The following CDH13 variants were observed in gnomAD, a reference collection of about 807,000 sequenced individuals.
The protein encoded by CDH13 is cadherin 13, also known as cadherin-13.
A neutral mutation model predicts 63.8 loss-of-function variants in CDH13; 24 were observed. The observed-to-expected ratio is 0.38, with a 90% confidence interval of 0.27 to 0.53. The LOEUF (loss-of-function observed/expected upper bound fraction) is 0.53, where lower values mean the gene tolerates loss of function less well. CDH13 is among the 20% of genes least tolerant of loss of function. The pLI, the probability that CDH13 is intolerant of heterozygous loss-of-function variation, is 0.85. For missense variants in CDH13, 1,049 were observed against 903.1 expected (o/e 1.16, Z -2.07); for synonymous variants, 503 against 355.3 (o/e 1.42, Z -4.67).
intron 8 of CDH13, among the ~76,000 whole-genome samples, chr16:83,625,189 CAT>C (rs1491267721): frequency 7.9e-5 from 12 of 151,236 alleles, no homozygotes; most frequent in African/African-American, 2.2e-4. Context: ...TGTGTGTGCT[CAT>C]GTGTGTGTGT....
At chr16:83,737,599 T>C (rs1011692638) in intron 10 of CDH13, among the ~76,000 whole-genome samples, 8 of 152,166 alleles carry the variant, frequency 5.3e-5, no homozygotes, top group Admixed American at 5.2e-4. Context: ...CTGTGGGACA[T>C]AGACCTGGTT....
intron 2 of CDH13, among the ~76,000 whole-genome samples, chr16:82,987,167 C>A (rs113607368): frequency 3.3e-3 from 509 of 152,262 alleles, no homozygotes; most frequent in African/African-American, 0.011. Context: ...TTGCTCCCTC[C>A]TCTGTGGTCT....
rs910800706 is a variant in CDH13 at position 82,744,765 on chromosome 16, G to A, written c.46-113597G>A. On this transcript the variant is annotated intron_variant, in intron 1 of 13. Transcript: ENST00000567109. ...TTTAAGCTCCACCACCTATTTCGAG[G>A]GCTGGATGAATTTATGTTTCTTGTG... is the stretch of plus-strand genomic sequence containing the variant. Among the ~76,000 whole-genome samples the A allele has an allele frequency of 5.3e-5, 8 of 152,242 alleles. 1 individual carries two copies. In the South Asian group the frequency reaches 1.7e-3, roughly 32 times the overall value.
intron 11 of CDH13, among the ~76,000 whole-genome samples, chr16:83,762,122 GT>G (rs1914021853): frequency 6.6e-6 from 1 of 152,120 alleles, no homozygotes; most frequent in South Asian, 2.1e-4. Flanking sequence ...TAAGAACATT[GT>G]TTCAATAAAA....
At chr16:83,772,905 C>A (rs906735568) in intron 11 of CDH13, 4 of 152,158 alleles carry the variant, frequency 2.6e-5, no homozygotes, top group African/African-American at 9.7e-5. Context: ...AAAGGCAAAG[C>A]CTTTATTCAA....
At chr16:83,611,296 G>A (rs1908839044) in intron 8 of CDH13, among the ~76,000 whole-genome samples, 1 of 151,968 alleles carries the variant, frequency 6.6e-6, no homozygotes, top group Non-Finnish European at 1.5e-5. Flanking sequence ...AATGTTGGTT[G>A]ATGGTTAATG....
At chr16:83,450,335 C>G (rs561324842) in intron 6 of CDH13, among the ~76,000 whole-genome samples, 1 of 152,116 alleles carries the variant, frequency 6.6e-6, no homozygotes, top group Non-Finnish European at 1.5e-5. Flanking sequence ...TACGTGGTCC[C>G]TGGGGTTGGA....
At chr16:83,229,855 G>A (rs2039953305) in intron 5 of CDH13, among the ~76,000 whole-genome samples, 1 of 152,178 alleles carries the variant, frequency 6.6e-6, no homozygotes, top group Admixed American at 6.5e-5. Context: ...CATGTTCAGT[G>A]TGCCAGACCA....
chr16:83,442,616 C>T (rs906322117), intron 6 of CDH13, among the ~76,000 whole-genome samples: 2 of 152,060 alleles, frequency 1.3e-5, no homozygotes, highest in African/African-American at 4.8e-5. Flanking sequence ...TGACAAGAAG[C>T]TTATATTTTT....
At chr16:83,471,866 G>C (rs1384815810) in intron 6 of CDH13, among the ~76,000 whole-genome samples, 1 of 152,188 alleles carries the variant, frequency 6.6e-6, no homozygotes, top group Non-Finnish European at 1.5e-5. Flanking sequence ...TTGGGATATT[G>C]TTGAGGCTTA....
chr16:83,419,191 GC>G (rs1385076463), intron 6 of CDH13, among the ~76,000 whole-genome samples: 1 of 152,070 alleles, frequency 6.6e-6, no homozygotes, highest in Non-Finnish European at 1.5e-5. Flanking sequence ...TCCCTATCGT[GC>G]CCCCTGCCTC....
At chr16:83,090,770 A>C (rs2033868104) in intron 3 of CDH13, among the ~76,000 whole-genome samples, 1 of 152,136 alleles carries the variant, frequency 6.6e-6, no homozygotes, top group Admixed American at 6.6e-5. Flanking sequence ...TTCAAAGCAA[A>C]CTTGGTTTAT....
At chr16:83,782,829 G>T (rs1363195843) in intron 12 of CDH13, among the ~76,000 whole-genome samples, 7 of 152,074 alleles carry the variant, frequency 4.6e-5, no homozygotes, top group African/African-American at 7.2e-5. Flanking sequence ...ATTGAGAGCA[G>T]GTGGATTTTC....
chr16:83,787,226 G>A (rs551731447), intron 13 of CDH13, among the ~76,000 whole-genome samples: 1 of 152,312 alleles, frequency 6.6e-6, no homozygotes, highest in African/African-American at 2.4e-5. Flanking sequence ...CTCTAATTCA[G>A]CGTTCAGCAA....
At chr16:83,684,262 G>C (rs1904281830) in intron 10 of CDH13, among the ~76,000 whole-genome samples, 1 of 152,136 alleles carries the variant, frequency 6.6e-6, no homozygotes, top group Admixed American at 6.5e-5. Flanking sequence ...AGGTACTTGG[G>C]AGGCTGAGGC....
intron 1 of CDH13, among the ~76,000 whole-genome samples, chr16:82,785,832 C>T (rs911901995): frequency 2.0e-5 from 3 of 152,174 alleles, no homozygotes; most frequent in Non-Finnish European, 4.4e-5. Context: ...TTTTAATTCT[C>T]AGCAAGGCAA....
At chr16:82,994,970 G>A (rs1420638578) in intron 2 of CDH13, among the ~76,000 whole-genome samples, 1 of 152,198 alleles carries the variant, frequency 6.6e-6, no homozygotes, top group Admixed American at 6.5e-5. Context: ...TAAAATTGGG[G>A]TAATTATACT....
intron 3 of CDH13, among the ~76,000 whole-genome samples, chr16:83,036,632 C>G (rs1399151169): frequency 6.6e-6 from 1 of 152,150 alleles, no homozygotes; most frequent in Non-Finnish European, 1.5e-5. Flanking sequence ...GTGGCTGAAC[C>G]TGATAGAACA....
At chr16:82,996,094 G>A (rs1162346361) in intron 2 of CDH13, among the ~76,000 whole-genome samples, 1 of 152,058 alleles carries the variant, frequency 6.6e-6, no homozygotes, top group Non-Finnish European at 1.5e-5. Context: ...CAAAAGCATA[G>A]CAGAAGGAAG....
Sources: allele counts gnomAD v4.1 joint callset (sites outside exome capture counted in the v4.1 genomes callset), GRCh38; gene constraint gnomAD v4.1.1; transcripts MANE v1.5; gene names NCBI Gene and HGNC (gene_info 2026-07-23, HGNC 2026-07-21).